DPP10: variants seen among roughly 807,000 people sequenced by gnomAD.
DPP10 encodes inactive dipeptidyl peptidase 10.
DPP10 carries 33 observed loss-of-function variants against 120.9 expected under a neutral mutation model. That is an observed-to-expected ratio of 0.27 (90% confidence interval 0.21 to 0.37). The LOEUF (loss-of-function observed/expected upper bound fraction) is 0.37. Ranked by LOEUF, DPP10 falls within the 10% of genes least tolerant of loss-of-function variation. The pLI is 1.00. For synonymous variants in DPP10, 337 were observed against 326.1 expected (o/e 1.03, Z -0.36); for missense variants, 816 against 942.8 (o/e 0.87, Z 1.76).
At chr2:114,906,860 A>T (rs1359038971) in intron 1 of DPP10, among the ~76,000 whole-genome samples, 1 of 152,076 alleles carries the variant, frequency 6.6e-6, no homozygotes, top group Non-Finnish European at 1.5e-5. Flanking sequence ...TCATAGAAGG[A>T]GGTTGGATAT....
intron 1 of DPP10, among the ~76,000 whole-genome samples, chr2:115,174,148 T>G (rs1307039753): frequency 6.6e-6 from 1 of 152,196 alleles, no homozygotes; most frequent in African/African-American, 2.4e-5. Flanking sequence ...TTAACTATCA[T>G]GGTTTGTGTA....
chr2:115,554,415 C>T (rs1381148407), intron 5 of DPP10, among the ~76,000 whole-genome samples: 4 of 151,766 alleles, frequency 2.6e-5, no homozygotes, highest in African/African-American at 4.8e-5. Flanking sequence ...TTTACAAGTA[C>T]ATCTGAAGAC....
chr2:114,455,117 T>C (rs1326995522), intron 1 of DPP10, among the ~76,000 whole-genome samples: 2 of 152,112 alleles, frequency 1.3e-5, no homozygotes, highest in Non-Finnish European at 2.9e-5. Context: ...GAAAGGAAGC[T>C]AAATACTTTG....
intron 1 of DPP10, among the ~76,000 whole-genome samples, chr2:115,156,945 G>C (rs924734267): frequency 2.6e-5 from 4 of 151,976 alleles, no homozygotes; most frequent in African/African-American, 9.7e-5. Context: ...ATGATGGAAG[G>C]TTTTCTTTTT....
intron 1 of DPP10, among the ~76,000 whole-genome samples, chr2:115,008,623 C>T (rs1390198360): frequency 9.1e-6 from 1 of 109,738 alleles, no homozygotes; most frequent in Non-Finnish European, 2.1e-5. Flanking sequence ...AAAGAAACTA[C>T]CATCAGAGTG....
intron 1 of DPP10, among the ~76,000 whole-genome samples, chr2:114,734,343 A>G (rs1677212683): frequency 6.6e-6 from 1 of 152,166 alleles, no homozygotes; most frequent in African/African-American, 2.4e-5. Context: ...TCTGCACAAT[A>G]AAACTTGGTC....
At chr2:115,094,148 A>C (rs1001916627) in intron 1 of DPP10, among the ~76,000 whole-genome samples, 5 of 152,090 alleles carry the variant, frequency 3.3e-5, no homozygotes, top group African/African-American at 1.2e-4. Context: ...AAGGAGAAAA[A>C]CATTCATATA....
intron 1 of DPP10, among the ~76,000 whole-genome samples, chr2:114,544,613 T>C (rs534074002): frequency 3.4e-4 from 52 of 152,162 alleles, no homozygotes; most frequent in Non-Finnish European, 5.6e-4. Flanking sequence ...ATAAGAGTCA[T>C]TGGGGGGACT....
At chr2:115,473,747 A>G (rs964188678) in intron 3 of DPP10, among the ~76,000 whole-genome samples, 1 of 152,202 alleles carries the variant, frequency 6.6e-6, no homozygotes, top group Non-Finnish European at 1.5e-5. Context: ...ATCTAAATTA[A>G]TTATTTAATA....
chr2:115,545,629 C>T (rs2079454810), intron 5 of DPP10, among the ~76,000 whole-genome samples: 1 of 152,074 alleles, frequency 6.6e-6, no homozygotes. Context: ...GTCTGGAAAT[C>T]AGAAGTTTAA....
At chr2:114,532,433 T>C (rs1331231464) in intron 1 of DPP10, among the ~76,000 whole-genome samples, 5 of 151,334 alleles carry the variant, frequency 3.3e-5, no homozygotes, top group African/African-American at 1.2e-4. Flanking sequence ...GTATGAAACG[T>C]ATGCACAGTC....
rs187152963 is a variant in DPP10 at position 115,051,799 on chromosome 2, G to T, written c.61-257440G>T. On this transcript the variant is annotated intron_variant, in intron 1 of 25. Coordinates refer to ENST00000410059, the MANE Select transcript of DPP10 (RefSeq NM_020868.6). ...GTTAGGAATTATGTATTGTACACCTGAAAATTGGTAAGAGAGTAGATCTCA... is the reference window on the plus strand; with the variant it reads ...GTTAGGAATTATGTATTGTACACCTTAAAATTGGTAAGAGAGTAGATCTCA... Among the ~76,000 whole-genome samples the T allele has an allele frequency of 2.5e-3, 377 of 149,712 alleles. 1 individual carries two copies. The highest frequency in any genetic ancestry group is 8.8e-3 in the African/African-American group (359 of 40,776).
chr2:115,828,230 A>C (rs115990162), intron 21 of DPP10, among the ~76,000 whole-genome samples: 1,954 of 152,154 alleles, frequency 0.013, 19 homozygotes, highest in South Asian at 0.029. Flanking sequence ...TTTCAATAAG[A>C]ATATGCCATC....
At chr2:115,266,202 C>T (rs567074892) in intron 1 of DPP10, among the ~76,000 whole-genome samples, 30 of 152,078 alleles carry the variant, frequency 2.0e-4, no homozygotes, top group East Asian at 1.5e-3. Flanking sequence ...AAACATGAAA[C>T]GAAGGATTGA....
chr2:114,471,087 A>G (rs1472952403), intron 1 of DPP10, among the ~76,000 whole-genome samples: 1 of 152,238 alleles, frequency 6.6e-6, no homozygotes, highest in African/African-American at 2.4e-5. Context: ...TAAAATCTAT[A>G]TTTAAAGTTT....
chr2:115,168,387 A>G (rs184531959), intron 1 of DPP10, among the ~76,000 whole-genome samples: 190 of 152,324 alleles, frequency 1.2e-3, no homozygotes, highest in African/African-American at 4.0e-3. Context: ...GTCCAAAAAG[A>G]AGCCAGATAA....
chr2:115,020,887 C>T (rs1703021690), intron 1 of DPP10, among the ~76,000 whole-genome samples: 1 of 152,002 alleles, frequency 6.6e-6, no homozygotes, highest in Non-Finnish European at 1.5e-5. Context: ...CATGCAAATA[C>T]ATGGAAATTA....
chr2:114,747,271 C>T (rs561082449), intron 1 of DPP10, among the ~76,000 whole-genome samples: 138 of 152,192 alleles, frequency 9.1e-4, no homozygotes, highest in African/African-American at 3.2e-3. Context: ...AACTGTTGTC[C>T]TTCACTATTA....
chr2:114,988,963 G>A (rs553836088), intron 1 of DPP10, among the ~76,000 whole-genome samples: 2 of 151,990 alleles, frequency 1.3e-5, no homozygotes, highest in East Asian at 3.9e-4. Flanking sequence ...AAAAGGTATG[G>A]GGGAAATACA....
Sources: gnomAD v4.1 joint callset for allele counts (sites outside exome capture counted in the v4.1 genomes callset) on GRCh38, gnomAD v4.1.1 for gene constraint, MANE v1.5 for transcripts, NCBI Gene and HGNC (gene_info 2026-07-23, HGNC 2026-07-21) for gene names.